The following MON2 variants were observed in gnomAD, a reference collection of about 807,000 sequenced individuals.
MON2 encodes the protein protein MON2 homolog.
Under a neutral mutation model 208.6 loss-of-function variants are expected in MON2, and 84 were observed. The observed-to-expected ratio is 0.40, with a 90% CI of 0.34 to 0.48. The LOEUF (loss-of-function observed/expected upper bound fraction) is 0.48. Among genes scored for constraint, MON2 ranks in the 20% least tolerant of loss-of-function variants. The probability of loss-of-function intolerance (pLI) is 0.59; values close to 1 mark genes in which losing one functional copy is unlikely to be tolerated. For missense variants in MON2, 1,611 were observed against 2,015.4 expected, an observed-to-expected ratio of 0.80 and a Z score of 3.84; for synonymous variants, 660 against 694.0, an observed-to-expected ratio of 0.95 and a Z score of 0.77.
chr12:62,525,806 T>G (rs936527767), intron 10 of MON2, 143 bp from the exon 11 acceptor site: 1 of 655,106 alleles, frequency 1.5e-6, no homozygotes, highest in African/African-American at 1.8e-5. Flanking sequence ...AAAGTAGTAC[T>G]GATAAATTTC....
At chr12:62,527,272 A>G (rs1391914462) in intron 11 of MON2, among the ~76,000 whole-genome samples, 3 of 152,144 alleles carry the variant, frequency 2.0e-5, no homozygotes, top group Non-Finnish European at 4.4e-5. Flanking sequence ...AAAAATAGAA[A>G]TGAAACAGAG....
intron 1 of MON2, among the ~76,000 whole-genome samples, chr12:62,477,212 A>G (rs1035879923): frequency 6.6e-6 from 1 of 152,164 alleles, no homozygotes; most frequent in African/African-American, 2.4e-5. Flanking sequence ...ACCAAGCAGA[A>G]CAGCAACTTT....
chr12:62,498,206 A>G (rs1026654672), intron 4 of MON2, among the ~76,000 whole-genome samples: 12 of 152,212 alleles, frequency 7.9e-5, no homozygotes, highest in Admixed American at 1.3e-4. Context: ...CACAAATATT[A>G]TTCTAAGTGG....
At chr12:62,549,456 CAAAAA>C (rs5798647) in intron 22 of MON2, among the ~76,000 whole-genome samples, 3 of 98,506 alleles carry the variant, frequency 3.0e-5, no homozygotes, top group African/African-American at 3.6e-5. Flanking sequence ...CCTGTCTCCA[CAAAAA>C]AAAAAAAAAA....
At position 62,516,597 on chromosome 12, in the gene MON2, G is replaced by A. The variant is rs572158267; in HGVS notation, c.985-7918G>A. Among the ~76,000 whole-genome samples, 45 of 152,208 alleles carry A rather than the reference G, an allele frequency of 3.0e-4. No homozygotes were observed. In the South Asian group the frequency reaches 3.9e-3, roughly 13 times the overall value. Reference sequence around the variant, plus strand: ...TGTATGCCTGTAATCCCAGCTACTCGGGAGGCTGAGGCAGGAGAATCGCTT... The same window carrying A: ...TGTATGCCTGTAATCCCAGCTACTCAGGAGGCTGAGGCAGGAGAATCGCTT... On this transcript the variant is annotated intron_variant, in intron 8 of 34. Transcript: ENST00000393630.
chr12:62,478,692 C>T (rs756066208), intron 1 of MON2, among the ~76,000 whole-genome samples: 1 of 152,052 alleles, frequency 6.6e-6, no homozygotes, highest in Non-Finnish European at 1.5e-5. Flanking sequence ...TTTGTTTCTT[C>T]CTTTTAAAAG....
At chr12:62,540,979 A>T (rs559934306) in intron 19 of MON2, among the ~76,000 whole-genome samples, 1 of 152,336 alleles carries the variant, frequency 6.6e-6, no homozygotes, top group Non-Finnish European at 1.5e-5. Flanking sequence ...TCTAGGGATT[A>T]AAGATGTATA....
intron 8 of MON2, among the ~76,000 whole-genome samples, chr12:62,519,803 C>T (rs750747680): frequency 9.2e-5 from 14 of 152,226 alleles, no homozygotes; most frequent in South Asian, 8.3e-4. Flanking sequence ...CTATACCAAA[C>T]GGTACACTTT....
At chr12:62,584,621 T>C (rs1387148354) in intron 32 of MON2, among the ~76,000 whole-genome samples, 3 of 147,788 alleles carry the variant, frequency 2.0e-5, no homozygotes, top group African/African-American at 7.5e-5. Flanking sequence ...GAGAATTGCT[T>C]GAACCCAGGA....
intron 2 of MON2, among the ~76,000 whole-genome samples, chr12:62,488,874 T>G (rs1419286546): frequency 6.6e-6 from 1 of 152,126 alleles, no homozygotes. Context: ...AGGGGAGGGA[T>G]AGCATTAGAA....
intron 19 of MON2, among the ~76,000 whole-genome samples, chr12:62,540,614 G>A (rs2073191235): frequency 6.6e-6 from 1 of 152,124 alleles, no homozygotes; most frequent in Admixed American, 6.5e-5. Flanking sequence ...CAACAGATAC[G>A]ATTTTTAAGG....
Position 62,555,999 on chromosome 12 carries a change from C to CT in MON2, c.3219dup (p.His1074SerfsTer19). ...ACATTTTAATAAATATTTAGGTACT[C>CT]TTTCATCTACTGGACAGAGTTCGAG... On this transcript the variant is annotated frameshift_variant, in exon 25 of 35. Coordinates refer to ENST00000393630, the MANE Select transcript of MON2 (RefSeq NM_015026.3). LOFTEE classifies it high-confidence loss of function. 6.2e-7 allele frequency: 1 copy of CT among 1,605,432 alleles called. No homozygotes were observed.
chr12:62,531,303 T>C (rs957874117), intron 11 of MON2, among the ~76,000 whole-genome samples: 5 of 152,138 alleles, frequency 3.3e-5, no homozygotes, highest in Non-Finnish European at 7.4e-5. Flanking sequence ...TAATCCGAGG[T>C]AGTGAAGATT....
chr12:62,571,400 G>T lies in MON2; in HGVS notation c.4332G>T (p.Arg1444Ser). ...KVLQNIIKTLRVPLSLKYSCP... is the reference protein window; with the variant it reads ...KVLQNIIKTLSVPLSLKYSCP... ...ACTGTCTTTATTTTCAGACTCTTAG[G>T]GTTCCTCTCAGTTTGAAGTATTCCT... Residue 1444 changes from arginine (R) to serine (S), a missense_variant, in exon 30 of 35, where the codon AGG becomes AGT. Physicochemically the swap from Arg to Ser is moderately radical, Grantham distance 110. Coordinates refer to ENST00000393630, the MANE Select transcript of MON2 (RefSeq NM_015026.3). 2 of 1,599,166 alleles carry T rather than the reference G, an allele frequency of 1.3e-6. No homozygotes were observed. The highest frequency in any genetic ancestry group is 1.7e-6 in the Non-Finnish European group (2 of 1,170,480).
At chr12:62,508,255 ATT>A (rs762149035) in intron 7 of MON2, 29 bp from the exon 8 acceptor site, 2 of 1,553,416 alleles carry the variant, frequency 1.3e-6, no homozygotes, top group African/African-American at 2.7e-5. Flanking sequence ...AAAGTTAATT[ATT>A]TTTTTCTTTC....
At chr12:62,519,926 C>G (rs2071923365) in intron 8 of MON2, among the ~76,000 whole-genome samples, 1 of 152,270 alleles carries the variant, frequency 6.6e-6, no homozygotes, top group South Asian at 2.1e-4. Flanking sequence ...TGCCATTCTC[C>G]TGCCTCAGCC....
chr12:62,489,809 G>A (rs898273995), intron 2 of MON2, among the ~76,000 whole-genome samples: 2 of 151,884 alleles, frequency 1.3e-5, no homozygotes, highest in East Asian at 1.9e-4. Flanking sequence ...ATTTTCAGAC[G>A]TTTTGAACCC....
intron 34 of MON2, among the ~76,000 whole-genome samples, chr12:62,588,623 C>T (rs555851752): frequency 1.3e-5 from 2 of 152,046 alleles, no homozygotes; most frequent in Non-Finnish European, 2.9e-5. Context: ...ACATGATAGC[C>T]GGAAATGATT....
chr12:62,566,376 G>A lies in MON2; in HGVS notation c.4249G>A (p.Val1417Ile). The A allele has an allele frequency of 6.2e-7, 1 of 1,613,650 alleles. No individual in the cohort carries two copies. The highest frequency in any genetic ancestry group is 8.5e-7 in the Non-Finnish European group (1 of 1,179,706). The part of the protein sequence containing the change: ...VPFAERSLEV[V>I]VDLYQKTACH... ...GTTTGCTGAAAGGTCTTTAGAAGTA[G>A]TTGTGGATTTATACCAAAAAACAGC... is the stretch of plus-strand genomic sequence containing the variant. Residue 1417 changes from valine to isoleucine, a missense_variant, in exon 29 of 35, where the codon GTT (valine) becomes ATT (isoleucine). Transcript: ENST00000393630.
Sources: allele counts gnomAD v4.1 joint callset (sites outside exome capture counted in the v4.1 genomes callset), GRCh38; gene constraint gnomAD v4.1.1; transcripts MANE v1.5; gene names NCBI Gene and HGNC (gene_info 2026-07-23, HGNC 2026-07-21).